Variants in NR2F1-AS1 observed in about 807,000 individuals in gnomAD.
NR2F1-AS1 encodes NR2F1 regulatory antisense RNA 1, also known as NR2F1 antisense RNA 1.
chr5:93,551,760 T>A (rs1752235990), intron 4 of NR2F1-AS1, among the ~76,000 whole-genome samples: 1 of 152,188 alleles, frequency 6.6e-6, no homozygotes, highest in Non-Finnish European at 1.5e-5. Context: ...TACTCATTAT[T>A]GAAATCTAAT....
At chr5:93,551,625 A>G (rs1561496868) in intron 4 of NR2F1-AS1, among the ~76,000 whole-genome samples, 1 of 152,070 alleles carries the variant, frequency 6.6e-6, no homozygotes, top group Non-Finnish European at 1.5e-5. Flanking sequence ...AAATATGATA[A>G]CAAATGGGCT....
intron 4 of NR2F1-AS1, among the ~76,000 whole-genome samples, chr5:93,442,485 G>T (rs889306679): frequency 3.9e-5 from 6 of 152,172 alleles, no homozygotes; most frequent in African/African-American, 1.4e-4. Context: ...CAGCAGTGAG[G>T]CTGGGGGAGG....
chr5:93,582,200 C>A (rs1389807501), upstream of NR2F1-AS1, among the ~76,000 whole-genome samples: 1 of 142,770 alleles, frequency 7.0e-6, no homozygotes, highest in Non-Finnish European at 1.5e-5. Flanking sequence ...CACCCTGCAA[C>A]AATATGGGGA....
At chr5:93,414,645 G>C (rs961059173) in intron 4 of NR2F1-AS1, among the ~76,000 whole-genome samples, 8 of 152,160 alleles carry the variant, frequency 5.3e-5, no homozygotes, top group African/African-American at 1.9e-4. Context: ...CTATATCAGG[G>C]TTGGAGAAGT....
chr5:93,435,597 G>A (rs1028643775), intron 4 of NR2F1-AS1, among the ~76,000 whole-genome samples: 4 of 152,142 alleles, frequency 2.6e-5, no homozygotes, highest in Non-Finnish European at 4.4e-5. Context: ...AAACTACTGG[G>A]TATGCTCCTG....
chr5:93,429,113 A>G (rs1462439388), intron 4 of NR2F1-AS1, among the ~76,000 whole-genome samples: 1 of 152,190 alleles, frequency 6.6e-6, no homozygotes, highest in Admixed American at 6.5e-5. Flanking sequence ...TGTTTGATGT[A>G]TGATACTTGA....
chr5:93,429,921 C>T (rs1308156299), intron 4 of NR2F1-AS1, among the ~76,000 whole-genome samples: 1 of 152,178 alleles, frequency 6.6e-6, no homozygotes, highest in Non-Finnish European at 1.5e-5. Context: ...CATATCTGTA[C>T]ACAATGATGA....
chr5:93,579,343 G>A lies in NR2F1-AS1; in HGVS notation n.313+1124C>T, dbSNP rs1752966421. 6.6e-6 allele frequency among the ~76,000 whole-genome samples: 1 copy of A among 152,138 alleles called. No individual in the cohort carries two copies. Among genetic ancestry groups the A allele is most frequent in the Admixed American group, 6.5e-5 (1 of 15,282 alleles). On this transcript the variant is annotated intron_variant and non_coding_transcript_variant, in intron 1 of 5. Transcript: ENST00000660523. The surrounding 1 kb of genome is among the most constrained non-coding windows in gnomAD (Gnocchi z 5.1). ...GGACTTCACCCTCCTCCTTCCTTCCGGAGGAGCCCGCGGCTTCGCCTGAGG... is the reference window on the plus strand; with the variant it reads ...GGACTTCACCCTCCTCCTTCCTTCCAGAGGAGCCCGCGGCTTCGCCTGAGG...
At chr5:93,495,775 TATG>T (rs1315560718) in intron 4 of NR2F1-AS1, among the ~76,000 whole-genome samples, 3 of 152,054 alleles carry the variant, frequency 2.0e-5, no homozygotes, top group South Asian at 2.1e-4. Flanking sequence ...TATACACAAA[TATG>T]ATGAAGAGGA....
chr5:93,409,637 G>A (rs933339093), intron 4 of NR2F1-AS1: 2 of 152,146 alleles, frequency 1.3e-5, no homozygotes, highest in African/African-American at 4.8e-5. Flanking sequence ...TTGGGAGTGG[G>A]GCGATTCAGC....
chr5:93,542,971 A>G (rs1057145185), intron 4 of NR2F1-AS1: 5 of 152,368 alleles, frequency 3.3e-5, no homozygotes, highest in African/African-American at 1.2e-4. Context: ...GGAGGAAAGA[A>G]AAGAGAAATG....
intron 4 of NR2F1-AS1, among the ~76,000 whole-genome samples, chr5:93,435,699 G>A (rs1260946102): frequency 1.3e-5 from 2 of 152,122 alleles, no homozygotes; most frequent in Non-Finnish European, 2.9e-5. Context: ...TCAAGTCATA[G>A]TTCTATCATC....
intron 4 of NR2F1-AS1, among the ~76,000 whole-genome samples, chr5:93,428,947 T>C (rs888930710): frequency 6.6e-6 from 1 of 152,298 alleles, no homozygotes; most frequent in African/African-American, 2.4e-5. Context: ...GTCCATTAAA[T>C]TGGAAGCCAA....
At chr5:93,478,517 C>T (rs1399374801) in intron 4 of NR2F1-AS1, among the ~76,000 whole-genome samples, 2 of 152,182 alleles carry the variant, frequency 1.3e-5, no homozygotes, top group East Asian at 1.9e-4. Context: ...AATTATCCTG[C>T]TTCAGCCTCC....
chr5:93,489,561 A>G (rs911109737), intron 4 of NR2F1-AS1, among the ~76,000 whole-genome samples: 5 of 152,106 alleles, frequency 3.3e-5, no homozygotes, highest in Admixed American at 3.3e-4. Context: ...AATCTGCAGT[A>G]TTTCTGAGGT....
At chr5:93,501,910 G>C (rs1561471201) in intron 4 of NR2F1-AS1, among the ~76,000 whole-genome samples, 1 of 152,074 alleles carries the variant, frequency 6.6e-6, no homozygotes, top group Non-Finnish European at 1.5e-5. Context: ...CTTCATTGTT[G>C]TCTTATTTTT....
intron 4 of NR2F1-AS1, among the ~76,000 whole-genome samples, chr5:93,443,798 A>G (rs59138763): frequency 0.017 from 2,513 of 152,300 alleles, 75 homozygotes; most frequent in African/African-American, 0.057. Context: ...GGCAACCAGA[A>G]AGAAAGGTTG....
chr5:93,521,358 A>C (rs1189722575), intron 4 of NR2F1-AS1, among the ~76,000 whole-genome samples: 3 of 152,232 alleles, frequency 2.0e-5, no homozygotes, highest in Admixed American at 2.0e-4. Flanking sequence ...AAAAATTGAC[A>C]AATGGAATCT....
At chr5:93,557,084 A>G (rs1372140887) in intron 2 of NR2F1-AS1, among the ~76,000 whole-genome samples, 1 of 152,220 alleles carries the variant, frequency 6.6e-6, no homozygotes, top group African/African-American at 2.4e-5. Flanking sequence ...TTCATCCTTC[A>G]TCCTATATAG....
Sources: allele counts gnomAD v4.1 joint callset (sites outside exome capture counted in the v4.1 genomes callset), GRCh38; gene constraint gnomAD v4.1.1; non-coding constraint Gnocchi (gnomAD v3.1); transcripts MANE v1.5; gene names NCBI Gene and HGNC (gene_info 2026-07-23, HGNC 2026-07-21).